Variants in VTI1A observed in about 807,000 individuals in gnomAD.
VTI1A encodes the protein vesicle transport through interaction with t-SNAREs 1A.
VTI1A carries 22 observed loss-of-function variants against 34.9 expected under a neutral mutation model. The observed-to-expected ratio is 0.63, with a 90% confidence interval of 0.45 to 0.90. The LOEUF is 0.90. VTI1A is among the 40% of genes least tolerant of loss of function. The pLI, the probability that VTI1A is intolerant of heterozygous loss-of-function variation, is 0.00. For synonymous variants in VTI1A, 87 were observed against 97.3 expected (o/e 0.89, Z 0.62); for missense variants, 268 against 275.6 (o/e 0.97, Z 0.20).
intron 7 of VTI1A, among the ~76,000 whole-genome samples, chr10:112,669,999 A>T (rs538662927): frequency 6.6e-6 from 1 of 152,314 alleles, no homozygotes; most frequent in South Asian, 2.1e-4. Context: ...GGCTAGTATA[A>T]TGTGACATTT....
chr10:112,480,359 A>G lies in VTI1A; in HGVS notation c.264+15702A>G, dbSNP rs911269897. The stretch of plus-strand genomic sequence containing the variant: ...TGTTATTGTTTTGATATAGATTACT[A>G]TAAACAACTTACATAGTGCAAGTGG... On this transcript the variant is annotated intron_variant, in intron 3 of 7. Transcript: ENST00000393077. 2.6e-5 allele frequency among the ~76,000 whole-genome samples: 4 copies of G among 152,250 alleles called. No individual in the cohort carries two copies. In the South Asian group the frequency reaches 6.2e-4, roughly 24 times the overall value.
chr10:112,782,420 T>C (rs1423955892), intron 7 of VTI1A, among the ~76,000 whole-genome samples: 1 of 152,270 alleles, frequency 6.6e-6, no homozygotes, highest in Non-Finnish European at 1.5e-5. Context: ...TGGAAGCGCA[T>C]GCTCTTTCTC....
rs1372126175 is a variant in VTI1A at position 112,577,851 on chromosome 10, G to A, written c.427+39521G>A. On this transcript the variant is annotated intron_variant, in intron 5 of 7. Coordinates refer to ENST00000393077, the MANE Select transcript of VTI1A (RefSeq NM_145206.4). ...CCAGGCAGTGAAGAATTGCAAGAGG[G>A]CATGATGCAGGGAAAAGACCATCAG... 4.6e-5 allele frequency among the ~76,000 whole-genome samples: 7 copies of A among 152,206 alleles called. No individual in the cohort carries two copies. The South Asian group carries it at 1.0e-3, about 22-fold the overall frequency.
chr10:112,600,326 A>G (rs1844832960), intron 5 of VTI1A, among the ~76,000 whole-genome samples: 1 of 152,206 alleles, frequency 6.6e-6, no homozygotes, highest in African/African-American at 2.4e-5. Context: ...TTCTGATCAA[A>G]ACTGTCCAAT....
At chr10:112,624,517 G>A (rs186712320) in intron 5 of VTI1A, among the ~76,000 whole-genome samples, 1 of 151,900 alleles carries the variant, frequency 6.6e-6, no homozygotes, top group East Asian at 1.9e-4. Flanking sequence ...TACCTGGGAA[G>A]GTTTTTTAAT....
At chr10:112,810,274 G>A (rs986551266) in intron 7 of VTI1A, among the ~76,000 whole-genome samples, 2 of 151,696 alleles carry the variant, frequency 1.3e-5, no homozygotes, top group Non-Finnish European at 2.9e-5. Context: ...ATGGTGGCAG[G>A]TGCCTGTAAT....
chr10:112,700,493 C>T (rs942541374), intron 7 of VTI1A, among the ~76,000 whole-genome samples: 1 of 152,218 alleles, frequency 6.6e-6, no homozygotes, highest in African/African-American at 2.4e-5. Context: ...CACAACAACT[C>T]ATTTGACAGG....
At chr10:112,796,374 C>G (rs1852673242) in intron 7 of VTI1A, among the ~76,000 whole-genome samples, 1 of 148,050 alleles carries the variant, frequency 6.8e-6, no homozygotes, top group African/African-American at 2.5e-5. Flanking sequence ...CCACTGCACT[C>G]TAGCCTGGGC....
intron 7 of VTI1A, among the ~76,000 whole-genome samples, chr10:112,728,871 T>C (rs1242064499): frequency 6.6e-6 from 1 of 152,158 alleles, no homozygotes; most frequent in Admixed American, 6.5e-5. Context: ...TTTTTTAATC[T>C]GCACAATAGG....
At chr10:112,669,530 G>A (rs1176312198) in intron 7 of VTI1A, among the ~76,000 whole-genome samples, 1 of 152,144 alleles carries the variant, frequency 6.6e-6, no homozygotes, top group Non-Finnish European at 1.5e-5. Flanking sequence ...TGTTTTATAT[G>A]TGTAACTCTA....
chr10:112,678,239 A>T (rs1234524188), intron 7 of VTI1A, among the ~76,000 whole-genome samples: 3 of 152,028 alleles, frequency 2.0e-5, no homozygotes, highest in Admixed American at 2.0e-4. Context: ...TTTCCCCTGG[A>T]TGCATGCCAT....
chr10:112,823,071 T>C (rs1012144170), downstream of VTI1A, among the ~76,000 whole-genome samples: 1 of 152,244 alleles, frequency 6.6e-6, no homozygotes, highest in Non-Finnish European at 1.5e-5. Flanking sequence ...CTGAGATGAA[T>C]GCACCATCAC....
intron 5 of VTI1A, among the ~76,000 whole-genome samples, chr10:112,628,781 C>G (rs1023682032): frequency 1.3e-5 from 2 of 151,860 alleles, no homozygotes; most frequent in African/African-American, 4.8e-5. Flanking sequence ...TATTTAAAGT[C>G]TTTTAAAATA....
chr10:112,727,426 GAA>G lies in VTI1A; in HGVS notation c.560+58437_560+58438del, dbSNP rs35628341. Among the ~76,000 whole-genome samples the G allele has an allele frequency of 6.6e-5, 10 of 151,032 alleles. No individual in the cohort carries two copies. The East Asian group carries it at 9.8e-4, about 15-fold the overall frequency. ...TTATTCCCTAATGATACCCTGCAGG[GAA>G]AAAAAAAATTTTTTTTATAATTCCT... On this transcript the variant is annotated intron_variant, in intron 7 of 7. Coordinates refer to ENST00000393077, the MANE Select transcript of VTI1A (RefSeq NM_145206.4).
chr10:112,779,645 C>T (rs1369645125), intron 7 of VTI1A, among the ~76,000 whole-genome samples: 3 of 152,212 alleles, frequency 2.0e-5, no homozygotes, highest in Non-Finnish European at 4.4e-5. Context: ...AAATGACCAT[C>T]TCGGTACAAA....
chr10:112,629,578 G>A (rs529565011), intron 5 of VTI1A, among the ~76,000 whole-genome samples: 2 of 152,334 alleles, frequency 1.3e-5, no homozygotes, highest in Non-Finnish European at 2.9e-5. Context: ...TTTGAGGAAC[G>A]AGTGTGAAAC....
At chr10:112,837,941 C>T in the VTI1A span, among the ~76,000 whole-genome samples, 54 of 152,230 alleles carry the variant, frequency 3.5e-4, 1 homozygote, top group Admixed American at 3.5e-3. Context: ...AGGGTTTGAC[C>T]TGCATCATCT....
At chr10:112,825,878 C>T in the VTI1A span, 1 of 152,138 alleles carries the variant, frequency 6.6e-6, no homozygotes, top group African/African-American at 2.4e-5. Flanking sequence ...GTTCAATATT[C>T]GGATATTTCC....
intron 5 of VTI1A, among the ~76,000 whole-genome samples, chr10:112,647,994 T>C (rs1360689447): frequency 6.6e-6 from 1 of 152,184 alleles, no homozygotes; most frequent in East Asian, 1.9e-4. Context: ...GGTCTCAAAC[T>C]GCTGAGCTCA....
Sources: allele counts gnomAD v4.1 joint callset (sites outside exome capture counted in the v4.1 genomes callset), GRCh38; gene constraint gnomAD v4.1.1; transcripts MANE v1.5; gene names NCBI Gene and HGNC (gene_info 2026-07-23, HGNC 2026-07-21).